Variants in LSS observed in about 807,000 individuals in gnomAD.
The protein encoded by LSS is lanosterol synthase.
In LSS, 90 loss-of-function variants were observed where a neutral mutation model predicts 110.3. That is an observed-to-expected ratio of 0.82 (90% confidence interval 0.69 to 0.97). The LOEUF (loss-of-function observed/expected upper bound fraction) is 0.97. Among genes scored for constraint, LSS ranks in the 50% least tolerant of loss-of-function variants. The pLI is 0.00. For synonymous variants in LSS, 433 were observed against 400.0 expected (o/e 1.08, Z -0.98); for missense variants, 927 against 990.0 (o/e 0.94, Z 0.85).
chr21:46,224,557 A>G (rs924066262), intron 3 of LSS: 2 of 152,218 alleles, frequency 1.3e-5, no homozygotes, highest in Non-Finnish European at 1.5e-5. Flanking sequence ...GAGCCATCCC[A>G]AAACAAGCCC....
intron 20 of LSS, among the ~76,000 whole-genome samples, chr21:46,194,205 T>C (rs1328476947): frequency 1.3e-5 from 2 of 152,180 alleles, no homozygotes; most frequent in Non-Finnish European, 2.9e-5. Flanking sequence ...GCTGTTTCCA[T>C]GGGTCCCTGA....
intron 14 of LSS, 90 bp from the exon 15 acceptor site, chr21:46,207,667 A>C: frequency 4.9e-6 from 7 of 1,420,554 alleles, no homozygotes; most frequent in Non-Finnish European, 5.7e-6. Flanking sequence ...CCTCCCCACC[A>C]CAGAGCACCC....
At chr21:46,207,655 T>C (rs2123723831) in intron 14 of LSS, 78 bp from the exon 15 acceptor site, 1 of 1,486,450 alleles carries the variant, frequency 6.7e-7, no homozygotes, top group Non-Finnish European at 9.1e-7. Context: ...GCCGCACGCA[T>C]CCCTCCCCAC....
intron 5 of LSS, 147 bp downstream of exon 5, chr21:46,221,707 T>C: frequency 8.4e-7 from 1 of 1,183,878 alleles, no homozygotes; most frequent in East Asian, 2.4e-5. Context: ...AAACAGTGTC[T>C]GCCTACTTCT....
At chr21:46,226,718 C>A (rs1251430743) in intron 3 of LSS, among the ~76,000 whole-genome samples, 1 of 152,204 alleles carries the variant, frequency 6.6e-6, no homozygotes, top group Non-Finnish European at 1.5e-5. Flanking sequence ...CCCAAACTAA[C>A]ATATAAGCCT....
rs777206758 is a variant in LSS, at chr21:46,215,167, C to A, written c.1011+13G>T. Reference sequence around the variant, plus strand: ...CCAGGGGCTGCAGTCAGAGGCCGGGCAGGGGCACTGACCGGGCCGATGCTG... The same window carrying A: ...CCAGGGGCTGCAGTCAGAGGCCGGGAAGGGGCACTGACCGGGCCGATGCTG... On this transcript the variant is annotated intron_variant, in intron 9 of 21. Transcript: ENST00000397728. 3.1e-6 allele frequency: 5 copies of A among 1,604,318 alleles called. No individual in the cohort carries two copies. Among genetic ancestry groups the A allele is most frequent in the Non-Finnish European group, 4.2e-6 (5 of 1,176,484 alleles).
rs2079760238 is a variant in LSS, at chr21:46,188,459, A to T, written c.*2645T>A. On this transcript the variant is annotated 3_prime_UTR_variant, in exon 22 of 22. Coordinates refer to ENST00000397728, the MANE Select transcript of LSS (RefSeq NM_002340.6). ...TGAATTCAAAAATCTTTCATGACTGATTTTTAATCACACTGAGGCAAATAT... is the reference window on the plus strand; with the variant it reads ...TGAATTCAAAAATCTTTCATGACTGTTTTTTAATCACACTGAGGCAAATAT... 1 of 287,490 alleles carries T rather than the reference A, an allele frequency of 3.5e-6. No individual in the cohort carries two copies. The highest frequency in any genetic ancestry group is 3.3e-5 in the South Asian group (1 of 30,068). The allele number at this position is 287,490 out of a possible 1,614,324, so 17.8% of individuals were successfully genotyped here. A position where few individuals can be genotyped will look rare whatever the true frequency, so the allele number is the denominator to read the frequency against.
In LSS at chr21:46,209,709, C is replaced by T. The variant is rs939752715; in HGVS notation, c.1195-84G>A. 2.5e-6 allele frequency: 3 copies of T among 1,180,144 alleles called. No individual in the cohort carries two copies. The highest frequency in any genetic ancestry group is 1.3e-5 in the South Asian group (1 of 74,784). 73.1% of individuals were successfully genotyped at this position (1,180,144 alleles called of 1,614,324 possible). A position where few individuals can be genotyped will look rare whatever the true frequency, so the allele number is the denominator to read the frequency against. Reference sequence around the variant, plus strand: ...GCTGGTTTCCCGATGGTCCTGGCCACATCCTGCCCCAACCGGGGACCAGAA... The same window carrying T: ...GCTGGTTTCCCGATGGTCCTGGCCATATCCTGCCCCAACCGGGGACCAGAA... On this transcript the variant is annotated intron_variant, in intron 12 of 21. Transcript: ENST00000397728. This position sits in a 1 kb window ranked among gnomAD's most constrained non-coding sequence, Gnocchi z 4.4.
intron 17 of LSS, among the ~76,000 whole-genome samples, chr21:46,202,393 C>CA (rs552183189): frequency 2.3e-3 from 199 of 87,200 alleles, no homozygotes; most frequent in Middle Eastern, 0.022. Flanking sequence ...GACTCCGTCT[C>CA]AAAAAAAAAA....
In LSS at chr21:46,194,657, C is replaced by A. The variant is rs374703920; in HGVS notation, c.1822G>T (p.Ala608Ser). The change falls in exon 20 of 22, where the codon GCC becomes TCC. Residue 608 changes from alanine to serine, a missense_variant. By Grantham distance (99) the Ala-to-Ser change is moderately conservative. Transcript: ENST00000397728. ...CAGGCCCGGGAGACCTCTGCACAGG[C>A]AGTCCTGCAAAGACCAGAGACAGGA... ...CMGQTYRDGTACAEVSRACDF... is the reference protein window; with the variant it reads ...CMGQTYRDGTSCAEVSRACDF... 1.9e-6 allele frequency: 3 copies of A among 1,611,850 alleles called. No individual in the cohort carries two copies. The highest frequency in any genetic ancestry group is 2.5e-6 in the Non-Finnish European group (3 of 1,179,814).
At chr21:46,201,518 C>A (rs1371215383) in intron 17 of LSS, among the ~76,000 whole-genome samples, 3 of 125,346 alleles carry the variant, frequency 2.4e-5, no homozygotes, top group Admixed American at 1.6e-4. Context: ...GAGGGTAGAG[C>A]CTGGATCATG....
At chr21:46,222,565 C>T in intron 4 of LSS, 65 bp downstream of exon 4, 1 of 1,443,048 alleles carries the variant, frequency 6.9e-7, no homozygotes, top group Non-Finnish European at 9.6e-7. Flanking sequence ...GAAACCCAAG[C>T]ATCTCCTACA....
chr21:46,215,202 G>T lies in LSS; in HGVS notation c.989C>A (p.Thr330Asn). The change falls in exon 9 of 22, where the codon ACC becomes AAC. Residue 330 changes from threonine (T) to asparagine (N), a missense_variant. Thr to Asn is a moderately conservative substitution (Grantham distance 65, BLOSUM62 0). Transcript: ENST00000397728. ...GACCGGGCCGATGCTGATGCTCTTG[G>T]TGAATCGGTCGTCGGCCACAATGTG... is the stretch of plus-strand genomic sequence containing the variant. ...YEHIVADDRFTKSISIGPISK... is the reference protein window; with the variant it reads ...YEHIVADDRFNKSISIGPISK... 1 of 1,610,752 alleles carries T rather than the reference G, an allele frequency of 6.2e-7. No individual in the cohort carries two copies. The highest frequency in any genetic ancestry group is 8.5e-7 in the Non-Finnish European group (1 of 1,179,890).
chr21:46,224,371 TG>T (rs2080312368), intron 3 of LSS, among the ~76,000 whole-genome samples: 1 of 152,114 alleles, frequency 6.6e-6, no homozygotes, highest in Non-Finnish European at 1.5e-5. Flanking sequence ...CTCCGTGCAT[TG>T]GTGGCAGTGG....
chr21:46,206,084 C>T (rs1245512312), intron 16 of LSS, 143 bp from the exon 17 acceptor site: 4 of 626,412 alleles, frequency 6.4e-6, no homozygotes, highest in Non-Finnish European at 1.1e-5. Flanking sequence ...CCAGAGCAAA[C>T]GCCGGCTGGT....
rs944901466 is a variant in LSS at position 46,194,433 on chromosome 21, G to A, written c.1988+58C>T. The A allele has an allele frequency of 2.5e-6, 4 of 1,597,100 alleles. No individual in the cohort carries two copies. The African/African-American group carries it at 5.4e-5, about 21-fold the overall frequency. ...ACTCAGCCCAGGCCACCGGCTCACAGCTGAGTGTCCCTCCTCTACCCAAAC... is the reference window on the plus strand; with the variant it reads ...ACTCAGCCCAGGCCACCGGCTCACAACTGAGTGTCCCTCCTCTACCCAAAC... On this transcript the variant is annotated intron_variant, in intron 20 of 21. Coordinates refer to ENST00000397728, the MANE Select transcript of LSS (RefSeq NM_002340.6).
intron 3 of LSS, 96 bp from the exon 4 acceptor site, chr21:46,222,834 G>A: frequency 1.2e-6 from 1 of 863,790 alleles, no homozygotes; most frequent in Non-Finnish European, 1.9e-6. Context: ...CCAACAGGGA[G>A]CTACCTCCTT....
chr21:46,221,935 T>A lies in LSS; in HGVS notation c.469A>T (p.Asn157Tyr), dbSNP rs1250568997. 2 of 1,614,176 alleles carry A rather than the reference T, an allele frequency of 1.2e-6. No homozygotes were observed. Among genetic ancestry groups the A allele is most frequent in the South Asian group, 2.2e-5 (2 of 91,082 alleles). The change falls in exon 5 of 22, where the codon AAC becomes TAC. Residue 157 changes from asparagine to tyrosine, a missense_variant. By Grantham distance (143) the Asn-to-Tyr change is moderately radical. Transcript: ENST00000397728. ...DKSTVFGTAL[N>Y]YVSLRILGVG... ...CCCAGAATTCTGAGAGACACATAGT[T>A]GAGCGCAGTCCCAAACACGGTGGAC...
chr21:46,193,213 T>C lies in LSS; in HGVS notation c.1989-1254A>G, dbSNP rs551267598. ...TGGCACAGATGGGATGCTGTGGGTG[T>C]ATCTGCATGTGTGTACATAGGTGCC... On this transcript the variant is annotated intron_variant, in intron 20 of 21. Transcript: ENST00000397728. 2.7e-3 allele frequency: 1,167 copies of C among 433,826 alleles called. 32 individuals are homozygous for C. Among genetic ancestry groups the C allele is most frequent in the African/African-American group, 0.025 (1,045 of 42,138 alleles). The allele number at this position is 433,826 out of a possible 1,614,324, so 26.9% of individuals were successfully genotyped here. A position where few individuals can be genotyped will look rare whatever the true frequency, so the allele number is the denominator to read the frequency against.
Sources: allele counts gnomAD v4.1 joint callset (sites outside exome capture counted in the v4.1 genomes callset), GRCh38; gene constraint gnomAD v4.1.1; non-coding constraint Gnocchi (gnomAD v3.1); transcripts MANE v1.5; gene names NCBI Gene and HGNC (gene_info 2026-07-23, HGNC 2026-07-21).